The following PAFAH1B3 variants were observed in gnomAD, a reference collection of about 807,000 sequenced individuals.
PAFAH1B3 encodes the protein platelet activating factor acetylhydrolase 1b catalytic subunit 3.
Under a neutral mutation model 24.4 loss-of-function variants are expected in PAFAH1B3, and 15 were observed. The observed-to-expected ratio is 0.62, with a 90% CI of 0.41 to 0.95. The LOEUF (loss-of-function observed/expected upper bound fraction) is 0.95, where lower values mean the gene tolerates loss of function less well. PAFAH1B3 is among the 40% of genes least tolerant of loss of function. PAFAH1B3 has a pLI of 0.00. For missense variants in PAFAH1B3, 266 were observed against 312.2 expected, an observed-to-expected ratio of 0.85 and a Z score of 1.12; for synonymous variants, 144 against 126.5, an observed-to-expected ratio of 1.14 and a Z score of -0.93.
intron 4 of PAFAH1B3, among the ~76,000 whole-genome samples, chr19:42,299,115 C>G (rs897389428): frequency 3.4e-5 from 5 of 149,236 alleles, no homozygotes; most frequent in African/African-American, 1.2e-4. Context: ...GCCACCGCAC[C>G]CGGCTTTTTT....
intron 4 of PAFAH1B3, 119 bp from the exon 5 acceptor site, chr19:42,297,484 G>C: frequency 1.6e-5 from 5 of 320,390 alleles, no homozygotes; most frequent in South Asian, 2.6e-5. Flanking sequence ...CTAGGGATGG[G>C]CAAGTGGGGA....
chr19:42,297,126 C>T lies in PAFAH1B3; in HGVS notation c.648G>A (p.Leu216=). ...RALHSLLLRL[L]AQDQGQGAPL... ...GAGCACCTTGGCCCTGGTCTTGGGC[C>T]AGCAGACGCAGAAGCAGGGAGTGCA... The change falls in exon 5 of 5, where the codon CTG becomes CTA. Residue 216 remains leucine, a synonymous_variant. Coordinates refer to ENST00000262890, the MANE Select transcript of PAFAH1B3 (RefSeq NM_002573.4). The T allele has an allele frequency of 3.1e-6, 5 of 1,612,154 alleles. No individual in the cohort carries two copies. The highest frequency in any genetic ancestry group is 4.2e-6 in the Non-Finnish European group (5 of 1,178,356).
chr19:42,302,675 C>A, upstream of PAFAH1B3: 2 of 281,714 alleles, frequency 7.1e-6, no homozygotes, highest in South Asian at 9.4e-5. Flanking sequence ...AACCACCCAC[C>A]GGTCACGGGG....
chr19:42,302,162 G>T, intron 1 of PAFAH1B3, 70 bp downstream of exon 1: 1 of 1,502,498 alleles, frequency 6.7e-7, no homozygotes, highest in Non-Finnish European at 9.1e-7. Flanking sequence ...AGAGTGGCAC[G>T]AACCAGCCGT....
chr19:42,302,028 G>C lies in PAFAH1B3; in HGVS notation c.90C>G (p.Phe30Leu). The change falls in exon 2 of 5, where the codon TTC becomes TTG. Residue 30 changes from phenylalanine (F) to leucine (L), a missense_variant. Transcript: ENST00000262890. Reference sequence around the variant, plus strand: ...GTTCCTTATCTTTGCTGTCAGCCACGAACCGATGGTGCTGCGGGAGCGCGC... The same window carrying C: ...GTTCCTTATCTTTGCTGTCAGCCACCAACCGATGGTGCTGCGGGAGCGCGC... ...DGRWMSLHHR[F>L]VADSKDKEPE... 1 of 1,569,320 alleles carries C rather than the reference G, an allele frequency of 6.4e-7. No individual in the cohort carries two copies. Among genetic ancestry groups the C allele is most frequent in the Middle Eastern group, 1.7e-4 (1 of 5,964 alleles).
intron 1 of PAFAH1B3, 89 bp from the exon 2 acceptor site, chr19:42,302,128 C>G: frequency 6.7e-7 from 1 of 1,490,992 alleles, no homozygotes; most frequent in Non-Finnish European, 9.1e-7. Flanking sequence ...CCTCAACTGC[C>G]CTCAGTTTCC....
intron 2 of PAFAH1B3, 23 bp downstream of exon 2, chr19:42,301,926 CA>C: frequency 2.0e-6 from 3 of 1,536,042 alleles, no homozygotes; most frequent in Non-Finnish European, 2.6e-6. Context: ...CTGGATGGGG[CA>C]GGGGGAGAGG....
intron 4 of PAFAH1B3, among the ~76,000 whole-genome samples, chr19:42,299,456 G>A (rs1273154798): frequency 4.1e-5 from 6 of 145,866 alleles, no homozygotes; most frequent in Admixed American, 1.4e-4. Flanking sequence ...ACGGAGTCTC[G>A]CTCTGTCGCC....
chr19:42,301,962 C>A lies in PAFAH1B3; in HGVS notation c.156G>T (p.Met52Ile), dbSNP rs1176482976. 1.3e-6 allele frequency: 2 copies of A among 1,559,808 alleles called. No homozygotes were observed. Among genetic ancestry groups the A allele is most frequent in the Non-Finnish European group, 1.7e-6 (2 of 1,151,916 alleles). ...GGACTGCCCTCACCTCGCACTGGTG[C>A]ATGAGCTGGACCAAGGAGTCCCCGA... ...VFIGDSLVQL[M>I]HQCEIWRELF... Residue 52 changes from methionine (M) to isoleucine (I), a missense_variant, in exon 2 of 5, where the codon ATG becomes ATT. Physicochemically the swap from Met to Ile is conservative, Grantham distance 10. Coordinates refer to ENST00000262890, the MANE Select transcript of PAFAH1B3 (RefSeq NM_002573.4).
chr19:42,300,658 C>T (rs1248004377), intron 2 of PAFAH1B3, among the ~76,000 whole-genome samples: 1 of 151,940 alleles, frequency 6.6e-6, no homozygotes, highest in African/African-American at 2.4e-5. Flanking sequence ...GCTGGGACTA[C>T]AGGTGTACGC....
rs2038534579 is a variant in PAFAH1B3 at position 42,297,081 on chromosome 19, G to C, written c.693C>G (p.Pro231=). 7 of 1,596,632 alleles carry C rather than the reference G, an allele frequency of 4.4e-6. No homozygotes were observed. Among genetic ancestry groups the C allele is most frequent in the Non-Finnish European group, 6.0e-6 (7 of 1,165,532 alleles). The change falls in exon 5 of 5, where the codon CCC becomes CCG. Residue 231 remains proline, a synonymous_variant. Transcript: ENST00000262890. ...GQGAPLLEPA[P] ...TTGTGGGAAGGCAGCAGGATGCTTAGGGTGCGGGCTCCAGCAGGGGAGCAC... is the reference window on the plus strand; with the variant it reads ...TTGTGGGAAGGCAGCAGGATGCTTACGGTGCGGGCTCCAGCAGGGGAGCAC...
At chr19:42,297,571 TTTTC>T (rs1398543216) in intron 4 of PAFAH1B3, among the ~76,000 whole-genome samples, 50 of 150,958 alleles carry the variant, frequency 3.3e-4, no homozygotes, top group East Asian at 3.1e-3. Flanking sequence ...CCCTCTTTCG[TTTTC>T]TTTTTTTTTT....
intron 4 of PAFAH1B3, among the ~76,000 whole-genome samples, chr19:42,299,373 TC>T (rs574170633): frequency 1.6e-4 from 25 of 152,078 alleles, no homozygotes; most frequent in Admixed American, 1.3e-3. Context: ...TGCCTCGGCC[TC>T]CCAAAGTGCT....
intron 2 of PAFAH1B3, among the ~76,000 whole-genome samples, chr19:42,301,706 C>G (rs1042930299): frequency 1.3e-5 from 2 of 152,192 alleles, no homozygotes; most frequent in African/African-American, 4.8e-5. Flanking sequence ...TTTAGGCAAG[C>G]CTATGGCAGG....
rs1599953792 is a variant in PAFAH1B3, at chr19:42,301,014, C to T, written c.169-727G>A. On this transcript the variant is annotated intron_variant, in intron 2 of 4. Transcript: ENST00000262890. ...ATTTTTAGTAGAGACAGGATTTCGC[C>T]ATGTTGGCCAGGGTGGTCTCGAACT... Among the ~76,000 whole-genome samples the T allele has an allele frequency of 4.6e-5, 7 of 152,244 alleles. No homozygotes were observed. The South Asian group carries it at 1.5e-3, about 32-fold the overall frequency.
At chr19:42,299,252 G>A (rs1453417540) in intron 4 of PAFAH1B3, among the ~76,000 whole-genome samples, 1 of 151,990 alleles carries the variant, frequency 6.6e-6, no homozygotes, top group Non-Finnish European at 1.5e-5. Flanking sequence ...AAGTAGCTGG[G>A]ATTATAGGCA....
intron 4 of PAFAH1B3, among the ~76,000 whole-genome samples, chr19:42,297,988 A>C (rs1283800107): frequency 1.3e-5 from 2 of 151,986 alleles, no homozygotes; most frequent in Non-Finnish European, 2.9e-5. Context: ...TGAGCCCAGG[A>C]GTTCGAGACC....
chr19:42,300,050 CTG>C lies in PAFAH1B3; in HGVS notation c.326_327del (p.Thr109SerfsTer17). 6.2e-7 allele frequency: 1 copy of C among 1,614,212 alleles called. No individual in the cohort carries two copies. The highest frequency in any genetic ancestry group is 8.5e-7 in the Non-Finnish European group (1 of 1,180,028). On this transcript the variant is annotated frameshift_variant, in exon 4 of 5. Coordinates refer to ENST00000262890, the MANE Select transcript of PAFAH1B3 (RefSeq NM_002573.4). LOFTEE classifies it high-confidence loss of function. ...VWVGTNNHGH[T>X]AEQVTGGIKA... ...TTGATGCCACCAGTCACCTGCTCTG[CTG>C]TGTGTCCGTGGTTGTTGGTGCCCAC...
At chr19:42,298,100 C>T (rs757694640) in intron 4 of PAFAH1B3, among the ~76,000 whole-genome samples, 21 of 151,988 alleles carry the variant, frequency 1.4e-4, no homozygotes, top group Non-Finnish European at 2.2e-4. Context: ...GGGAGGCTGA[C>T]GTGGGAGAAT....
Sources: gnomAD v4.1 joint callset for allele counts (sites outside exome capture counted in the v4.1 genomes callset) on GRCh38, gnomAD v4.1.1 for gene constraint, MANE v1.5 for transcripts, NCBI Gene and HGNC (gene_info 2026-07-23, HGNC 2026-07-21) for gene names.